Variants in NIBAN1 observed in about 807,000 individuals in gnomAD.
The protein encoded by NIBAN1 is protein Niban 1.
Under a neutral mutation model 75.1 loss-of-function variants are expected in NIBAN1, and 81 were observed. That is an observed-to-expected ratio of 1.08 (90% confidence interval 0.90 to 1.30). NIBAN1 has a LOEUF of 1.30. Ranked by LOEUF, NIBAN1 falls within the 50% of genes most tolerant of loss-of-function variation. The probability of loss-of-function intolerance (pLI) is 0.00; values close to 1 mark genes in which losing one functional copy is unlikely to be tolerated. For missense variants in NIBAN1, 1,133 were observed against 1,128.1 expected, an observed-to-expected ratio of 1.00 and a Z score of -0.06; for synonymous variants, 436 against 424.8, an observed-to-expected ratio of 1.03 and a Z score of -0.32.
chr1:184,912,313 T>G (rs1313617779), intron 1 of NIBAN1, among the ~76,000 whole-genome samples: 2 of 152,214 alleles, frequency 1.3e-5, no homozygotes, highest in Admixed American at 1.3e-4. Flanking sequence ...AATGCTGATG[T>G]GAACATTGGT....
intron 1 of NIBAN1, among the ~76,000 whole-genome samples, chr1:184,951,186 C>A (rs1019095015): frequency 3.3e-5 from 5 of 152,232 alleles, no homozygotes; most frequent in Non-Finnish European, 7.3e-5. Flanking sequence ...CACAGTCTCC[C>A]TGGGCTTCAG....
At chr1:184,930,739 CAG>C (rs1657796764) in intron 1 of NIBAN1, among the ~76,000 whole-genome samples, 2 of 152,162 alleles carry the variant, frequency 1.3e-5, no homozygotes, top group African/African-American at 4.8e-5. Context: ...ACTTGGAAAA[CAG>C]AGCTTAAGGT....
intron 1 of NIBAN1, among the ~76,000 whole-genome samples, chr1:184,917,596 C>T (rs1657427233): frequency 6.6e-6 from 1 of 151,972 alleles, no homozygotes; most frequent in Non-Finnish European, 1.5e-5. Context: ...CAGACTTCCT[C>T]TTTTAAGCAA....
At chr1:184,917,428 G>C (rs1657419333) in intron 1 of NIBAN1, among the ~76,000 whole-genome samples, 1 of 144,950 alleles carries the variant, frequency 6.9e-6, no homozygotes. Context: ...TAGCCAGGAA[G>C]GTCTTGATCT....
intron 1 of NIBAN1, among the ~76,000 whole-genome samples, chr1:184,947,719 G>T (rs557262657): frequency 6.6e-6 from 1 of 152,328 alleles, no homozygotes; most frequent in Admixed American, 6.5e-5. Flanking sequence ...AGTGGCAGAG[G>T]ACTTGGCACA....
chr1:184,933,519 A>T (rs1447654911), intron 1 of NIBAN1, among the ~76,000 whole-genome samples: 1 of 152,208 alleles, frequency 6.6e-6, no homozygotes, highest in Non-Finnish European at 1.5e-5. Flanking sequence ...TTTCACATGC[A>T]TTTATATCAT....
At chr1:184,829,041 C>T (rs1654923323) in intron 6 of NIBAN1, among the ~76,000 whole-genome samples, 1 of 152,144 alleles carries the variant, frequency 6.6e-6, no homozygotes, top group Non-Finnish European at 1.5e-5. Flanking sequence ...TTCAAGCAGT[C>T]CTCCCAACTT....
At chr1:184,868,770 C>T (rs934878985) in intron 5 of NIBAN1, among the ~76,000 whole-genome samples, 4 of 152,054 alleles carry the variant, frequency 2.6e-5, no homozygotes, top group Non-Finnish European at 5.9e-5. Context: ...ACACAGGGCA[C>T]ACAGTATGCG....
intron 5 of NIBAN1, among the ~76,000 whole-genome samples, chr1:184,841,753 T>C (rs1557884649): frequency 6.6e-6 from 1 of 152,178 alleles, no homozygotes; most frequent in Non-Finnish European, 1.5e-5. Context: ...TCCAACAGGA[T>C]GTCAAAATTT....
intron 9 of NIBAN1, among the ~76,000 whole-genome samples, chr1:184,811,075 T>C (rs1272873069): frequency 6.6e-6 from 1 of 152,192 alleles, no homozygotes; most frequent in Non-Finnish European, 1.5e-5. Context: ...ACTGGGTTTG[T>C]AGTCATGACA....
chr1:184,835,161 G>A (rs1655103791), intron 5 of NIBAN1, among the ~76,000 whole-genome samples: 1 of 152,176 alleles, frequency 6.6e-6, no homozygotes, highest in Admixed American at 6.5e-5. Context: ...GTAGATGTGT[G>A]GTGTTAGTTC....
chr1:184,866,918 T>A (rs1380671579), intron 5 of NIBAN1, among the ~76,000 whole-genome samples: 1 of 152,102 alleles, frequency 6.6e-6, no homozygotes. Context: ...AGAGTGGAAG[T>A]TTTGCACCCC....
At chr1:184,909,943 T>C (rs1335017229) in intron 1 of NIBAN1, among the ~76,000 whole-genome samples, 1 of 152,182 alleles carries the variant, frequency 6.6e-6, no homozygotes, top group Non-Finnish European at 1.5e-5. Flanking sequence ...CCCCCAAAGC[T>C]ATGGTACATG....
intron 12 of NIBAN1, among the ~76,000 whole-genome samples, chr1:184,801,848 T>A (rs1356047809): frequency 6.6e-6 from 1 of 152,246 alleles, no homozygotes; most frequent in African/African-American, 2.4e-5. Flanking sequence ...GAGTACTTTC[T>A]ATGGACATAT....
chr1:184,919,355 C>G (rs756156002), intron 1 of NIBAN1, among the ~76,000 whole-genome samples: 13 of 152,108 alleles, frequency 8.5e-5, no homozygotes, highest in Non-Finnish European at 1.3e-4. Flanking sequence ...TCTCCAAATC[C>G]CATGTGAAGC....
At chr1:184,903,926 C>T (rs1657020841) in intron 1 of NIBAN1, among the ~76,000 whole-genome samples, 1 of 150,856 alleles carries the variant, frequency 6.6e-6, no homozygotes, top group African/African-American at 2.4e-5. Context: ...GACACAGTTT[C>T]ACTCTTATCC....
At chr1:184,884,018 A>G (rs1656444214) in intron 5 of NIBAN1, among the ~76,000 whole-genome samples, 1 of 152,104 alleles carries the variant, frequency 6.6e-6, no homozygotes, top group Non-Finnish European at 1.5e-5. Context: ...GTATATGCAA[A>G]ATGGTCTACA....
intron 1 of NIBAN1, among the ~76,000 whole-genome samples, chr1:184,931,482 T>G (rs982111949): frequency 3.9e-5 from 6 of 152,240 alleles, no homozygotes; most frequent in African/African-American, 1.4e-4. Flanking sequence ...TTTATATGTC[T>G]TTACATGTAA....
chr1:184,805,869 G>A, intron 11 of NIBAN1, 77 bp downstream of exon 11: 9 of 1,117,576 alleles, frequency 8.1e-6, no homozygotes, highest in South Asian at 1.3e-5. Context: ...GAGAGAACTT[G>A]GTATTTTCCA....
Sources: allele counts gnomAD v4.1 joint callset (sites outside exome capture counted in the v4.1 genomes callset), GRCh38; gene constraint gnomAD v4.1.1; transcripts MANE v1.5; gene names NCBI Gene and HGNC (gene_info 2026-07-23, HGNC 2026-07-21).